Variants in BACH1 observed in about 807,000 individuals in gnomAD.
The protein encoded by BACH1 is BTB domain and CNC homolog 1.
In BACH1, 35 loss-of-function variants were observed where a neutral mutation model predicts 52.9. The ratio of observed to expected loss-of-function variants is 0.66; its 90% confidence interval spans 0.51 to 0.88. The LOEUF (loss-of-function observed/expected upper bound fraction) is 0.88. Ranked by LOEUF, BACH1 falls within the 40% of genes least tolerant of loss-of-function variation. The probability of loss-of-function intolerance (pLI) is 0.00; values close to 1 mark genes in which losing one functional copy is unlikely to be tolerated. For missense variants in BACH1, 808 were observed against 872.6 expected (o/e 0.93, Z 0.93); for synonymous variants, 321 against 319.6 (o/e 1.00, Z -0.05).
chr21:29,302,669 A>G (rs981309448), intron 1 of BACH1, among the ~76,000 whole-genome samples: 3 of 152,352 alleles, frequency 2.0e-5, no homozygotes, highest in Admixed American at 1.3e-4. Context: ...TGCCAGCTTT[A>G]TAAGAAACAT....
At chr21:29,349,109 AT>A (rs2089188224), downstream of BACH1, among the ~76,000 whole-genome samples, 1 of 151,158 alleles carries the variant, frequency 6.6e-6, no homozygotes, top group Admixed American at 6.6e-5. Context: ...AAAAAAAAAA[AT>A]CTATCTTTAC....
At chr21:29,306,835 T>G (rs987086468) in intron 1 of BACH1, among the ~76,000 whole-genome samples, 1 of 152,176 alleles carries the variant, frequency 6.6e-6, no homozygotes, top group African/African-American at 2.4e-5. Flanking sequence ...TACAATCAAA[T>G]CAAATCAATG....
intron 4 of BACH1, among the ~76,000 whole-genome samples, chr21:29,339,474 G>A (rs1056625580): frequency 1.3e-5 from 2 of 151,928 alleles, no homozygotes; most frequent in Non-Finnish European, 2.9e-5. Context: ...CTAACAGTGA[G>A]TACTCTTTAC....
At chr21:29,341,046 T>C (rs903209609) in intron 4 of BACH1, among the ~76,000 whole-genome samples, 35 of 152,194 alleles carry the variant, frequency 2.3e-4, no homozygotes, top group African/African-American at 8.4e-4. Flanking sequence ...AAAAATTTAG[T>C]ATTTTGTATT....
At chr21:29,353,540 G>A (rs1001244205) in intron 2 of BACH1, among the ~76,000 whole-genome samples, 3 of 152,184 alleles carry the variant, frequency 2.0e-5, no homozygotes, top group Non-Finnish European at 4.4e-5. Flanking sequence ...CAGCATTTGA[G>A]AAGGAACTGG....
intron 1 of BACH1, among the ~76,000 whole-genome samples, chr21:29,309,270 AAAAG>A (rs896903454): frequency 2.6e-5 from 4 of 151,936 alleles, no homozygotes; most frequent in Non-Finnish European, 4.4e-5. Flanking sequence ...AAAAAAAAAA[AAAAG>A]AAAGATTCAC....
intron 1 of BACH1, among the ~76,000 whole-genome samples, chr21:29,312,888 G>T (rs75000079): frequency 0.02 from 3,031 of 152,202 alleles, 78 homozygotes; most frequent in African/African-American, 0.061. Context: ...AGCTCTTACA[G>T]TAGAATTTAA....
chr21:29,359,828 T>C (rs1298306505), intron 2 of BACH1, among the ~76,000 whole-genome samples: 3 of 152,204 alleles, frequency 2.0e-5, no homozygotes, highest in African/African-American at 7.2e-5. Context: ...GCCATATTAA[T>C]TGATACCTTA....
intron 4 of BACH1, among the ~76,000 whole-genome samples, chr21:29,341,109 C>T (rs1007610430): frequency 1.3e-5 from 2 of 151,542 alleles, no homozygotes; most frequent in African/African-American, 2.4e-5. Context: ...TTAGAAATAA[C>T]AATAATTGGA....
chr21:29,325,091 A>G (rs1403419830), intron 2 of BACH1, among the ~76,000 whole-genome samples: 5 of 152,164 alleles, frequency 3.3e-5, no homozygotes, highest in Non-Finnish European at 5.9e-5. Context: ...TTAGCCGGGC[A>G]TGGTGGCAGG....
chr21:29,309,257 C>CAA (rs3054257), intron 1 of BACH1, among the ~76,000 whole-genome samples: 1,508 of 91,804 alleles, frequency 0.016, 24 homozygotes, highest in African/African-American at 0.056. Flanking sequence ...GACTCTGTCT[C>CAA]AAAAAAAAAA....
At chr21:29,334,943 T>C (rs2089027296) in intron 4 of BACH1, among the ~76,000 whole-genome samples, 2 of 152,210 alleles carry the variant, frequency 1.3e-5, no homozygotes, top group African/African-American at 4.8e-5. Context: ...CGTGTTGTCG[T>C]TGAGCAGCAT....
chr21:29,302,384 A>G (rs996260630), intron 1 of BACH1, among the ~76,000 whole-genome samples: 2 of 152,246 alleles, frequency 1.3e-5, no homozygotes, highest in East Asian at 1.9e-4. Context: ...CCTGGCTTAC[A>G]CAGTGCACTA....
chr21:29,306,210 G>GTA (rs1555885257), intron 1 of BACH1, among the ~76,000 whole-genome samples: 1 of 140,828 alleles, frequency 7.1e-6, no homozygotes, highest in Non-Finnish European at 1.5e-5. Context: ...GTGTGTGTGT[G>GTA]TATTTAAAAA....
intron 2 of BACH1, among the ~76,000 whole-genome samples, chr21:29,323,371 C>T (rs1261797624): frequency 2.0e-5 from 3 of 152,192 alleles, no homozygotes; most frequent in African/African-American, 7.2e-5. Context: ...GTAGAGCCTT[C>T]AGTCTGTGGC....
intron 4 of BACH1, among the ~76,000 whole-genome samples, chr21:29,335,722 C>T (rs2089036944): frequency 6.6e-6 from 1 of 152,146 alleles, no homozygotes; most frequent in Non-Finnish European, 1.5e-5. Flanking sequence ...CTGTCTATAC[C>T]TGTTGGTTTG....
chr21:29,308,866 A>G (rs539891216), intron 1 of BACH1, among the ~76,000 whole-genome samples: 12 of 152,344 alleles, frequency 7.9e-5, no homozygotes, highest in Admixed American at 2.0e-4. Context: ...ATGTATAACT[A>G]TAGACCTTGA....
At chr21:29,354,525 C>T (rs2089222131) in intron 2 of BACH1, among the ~76,000 whole-genome samples, 1 of 152,022 alleles carries the variant, frequency 6.6e-6, no homozygotes, top group Non-Finnish European at 1.5e-5. Context: ...AGAACAGTGG[C>T]CAGATTCATG....
intron 2 of BACH1, among the ~76,000 whole-genome samples, chr21:29,355,085 G>A (rs895410445): frequency 5.9e-5 from 9 of 152,198 alleles, no homozygotes; most frequent in African/African-American, 2.2e-4. Context: ...CCTGCTGACT[G>A]GGGTGGCCAG....
Sources: allele counts gnomAD v4.1 joint callset (sites outside exome capture counted in the v4.1 genomes callset), GRCh38; gene constraint gnomAD v4.1.1; transcripts MANE v1.5; gene names NCBI Gene and HGNC (gene_info 2026-07-23, HGNC 2026-07-21).